Variants in ZNF687 observed in about 807,000 individuals in gnomAD.
ZNF687 encodes zinc finger protein 687.
Under a neutral mutation model 71.8 loss-of-function variants are expected in ZNF687, and 13 were observed. The ratio of observed to expected loss-of-function variants is 0.18; its 90% CI spans 0.12 to 0.29. The LOEUF is 0.29. ZNF687 is among the 10% of genes least tolerant of loss of function. The pLI, the probability that ZNF687 is intolerant of heterozygous loss-of-function variation, is 1.00. For missense variants in ZNF687, 1,412 were observed against 1,625.6 expected, an observed-to-expected ratio of 0.87 and a Z score of 2.26; for synonymous variants, 673 against 641.6, an observed-to-expected ratio of 1.05 and a Z score of -0.74.
At chr1:151,281,608 G>A (rs1557764152), upstream of ZNF687, 1 of 471,232 alleles carries the variant, frequency 2.1e-6, no homozygotes, top group Admixed American at 2.3e-5. Context: ...CGCAGAGGGA[G>A]GAGCGACGGG....
rs1291232134 is a variant in ZNF687, at chr1:151,287,466, A to G, written c.1175A>G (p.Asp392Gly). 1.2e-6 allele frequency: 2 copies of G among 1,613,988 alleles called. No individual in the cohort carries two copies. The highest frequency in any genetic ancestry group is 1.7e-6 in the Non-Finnish European group (2 of 1,180,032). Reference protein sequence around the residue: ...GPKVVSVQLGDGTRLKGTVLP... With the variant: ...GPKVVSVQLGGGTRLKGTVLP... ...AAGGTGGTGAGCGTACAGTTGGGTG[A>G]TGGTACAAGGCTGAAAGGCACTGTG... The change falls in exon 2 of 9, where the codon GAT (aspartate) becomes GGT (glycine). Residue 392 changes from aspartate to glycine, a missense_variant. Physicochemically the swap from Asp to Gly is moderately conservative, Grantham distance 94. Coordinates refer to ENST00000336715, the MANE Select transcript of ZNF687 (RefSeq NM_020832.3). The surrounding 1 kb of genome is among the most constrained non-coding windows in gnomAD (Gnocchi z 5.0).
Position 151,290,964 on chromosome 1 carries a change from A to C in ZNF687, c.3469A>C (p.Ser1157Arg), listed in dbSNP as rs587758087. 7.3e-5 allele frequency: 118 copies of C among 1,613,920 alleles called. 2 individuals are homozygous for C. In the South Asian group the frequency reaches 1.3e-3, roughly 17 times the overall value. ...CTCCCTGAGCCGACACCGTTTCATC[A>C]GCCACAAGAAGAGACGGGGTGTGGG... ...PGSLSRHRFI[S>R]HKKRRGVGKA... Residue 1157 changes from serine to arginine, a missense_variant, in exon 9 of 9, where the codon AGC becomes CGC. Around this residue, in one of 8 missense-constraint regions of ZNF687, gnomAD observed 284 missense variants for 359.2 expected, o/e 0.79. Transcript: ENST00000336715.
rs1403536256 is a variant in ZNF687, at chr1:151,291,215, A to G, written c.*6A>G. 3 of 1,605,694 alleles carry G rather than the reference A, an allele frequency of 1.9e-6. No individual in the cohort carries two copies. The highest frequency in any genetic ancestry group is 2.6e-6 in the Non-Finnish European group (3 of 1,175,436). Reference sequence around the variant, plus strand: ...GGGCTGTTGGGGACAACTAGTCTCCAAGGCCTGGGACTGACCAGCCCCTTC... The same window carrying G: ...GGGCTGTTGGGGACAACTAGTCTCCGAGGCCTGGGACTGACCAGCCCCTTC... On this transcript the variant is annotated 3_prime_UTR_variant, in exon 9 of 9. Coordinates refer to ENST00000336715, the MANE Select transcript of ZNF687 (RefSeq NM_020832.3).
upstream of ZNF687, chr1:151,281,989 T>G: frequency 8.2e-7 from 1 of 1,226,638 alleles, no homozygotes; most frequent in Admixed American, 3.0e-5. Context: ...GGAAGCAGGC[T>G]GGCTTCTTTC....
upstream of ZNF687, chr1:151,281,949 T>C: frequency 3.5e-6 from 4 of 1,136,676 alleles, no homozygotes; most frequent in Non-Finnish European, 4.6e-6. Context: ...GAGACGCACC[T>C]GGGTGCTCCC....
Position 151,287,291 on chromosome 1 carries a change from A to C in ZNF687, c.1000A>C (p.Thr334Pro). 1 of 1,614,112 alleles carries C rather than the reference A, an allele frequency of 6.2e-7. No homozygotes were observed. The highest frequency in any genetic ancestry group is 8.5e-7 in the Non-Finnish European group (1 of 1,180,006). The change falls in exon 2 of 9, where the codon ACC (threonine) becomes CCC (proline). Residue 334 changes from threonine (T) to proline (P), a missense_variant. Transcript: ENST00000336715. This position sits in a 1 kb window ranked among gnomAD's most constrained non-coding sequence, Gnocchi z 5.0. ...SSRPLKVRIK[T>P]IKTSCGNITR... ...TAGGCCTCTTAAGGTGCGGATCAAG[A>C]CCATTAAAACATCCTGCGGGAATAT...
At chr1:151,283,968 A>G in intron 1 of ZNF687, 1 of 985,392 alleles carries the variant, frequency 1.0e-6, no homozygotes, top group Non-Finnish European at 1.2e-6. Flanking sequence ...TAGATACAGA[A>G]ACACTCATGG....
chr1:151,284,348 C>A, intron 1 of ZNF687: 1 of 825,786 alleles, frequency 1.2e-6, no homozygotes, highest in Non-Finnish European at 1.5e-6. Context: ...GAGGGCCAGG[C>A]ACTCTGGGGA....
In ZNF687 at chr1:151,292,059, CTG is replaced by C. The variant is rs1694314687; in HGVS notation, c.*851_*852del. The C allele has an allele frequency of 6.6e-6, 1 of 152,186 alleles. No homozygotes were observed. The highest frequency in any genetic ancestry group is 1.5e-5 in the Non-Finnish European group (1 of 68,062). The allele number at this position is 152,186 out of a possible 1,614,324, so 9.4% of individuals were successfully genotyped here. ...TGTAGTGCCTTTTGTATCTTGGACA[CTG>C]AGGCATCCGTTCATACCTCATCACC... On this transcript the variant is annotated 3_prime_UTR_variant, in exon 9 of 9. Coordinates refer to ENST00000336715, the MANE Select transcript of ZNF687 (RefSeq NM_020832.3).
At chr1:151,289,331 G>GTT (rs1351296465) in intron 4 of ZNF687, 47 bp from the exon 5 acceptor site, 1 of 1,613,094 alleles carries the variant, frequency 6.2e-7, no homozygotes, top group South Asian at 1.1e-5. Flanking sequence ...CAGGAGGGGA[G>GTT]GGGCTGCACC....
At position 151,291,001 on chromosome 1, in the gene ZNF687, C is replaced by T. The variant is rs1341180989; in HGVS notation, c.3506C>T (p.Ala1169Val). ...AGACGGGGTGTGGGTAAAGCCAGTG[C>T]CCTGGGGCTGGGGGATGGGGAGGAA... ...KKRRGVGKASALGLGDGEEEA... is the reference protein window; with the variant it reads ...KKRRGVGKASVLGLGDGEEEA... Residue 1169 changes from alanine to valine, a missense_variant, in exon 9 of 9, where the codon GCC becomes GTC. Transcript: ENST00000336715. The T allele has an allele frequency of 3.7e-6, 6 of 1,613,920 alleles. No homozygotes were observed. The highest frequency in any genetic ancestry group is 2.2e-5 in the East Asian group (1 of 44,876).
chr1:151,283,285 T>C, intron 1 of ZNF687: 1 of 984,956 alleles, frequency 1.0e-6, no homozygotes, highest in Non-Finnish European at 1.2e-6. Flanking sequence ...CCCCTCGCCC[T>C]CCTCTGCGCT....
chr1:151,290,818 G>A lies in ZNF687; in HGVS notation c.3323G>A (p.Gly1108Asp). 6.2e-7 allele frequency: 1 copy of A among 1,613,928 alleles called. No individual in the cohort carries two copies. Among genetic ancestry groups the A allele is most frequent in the Non-Finnish European group, 8.5e-7 (1 of 1,180,026 alleles). ...KSPRGGPGSG[G>D]HGPLRYRSSS... is the part of the protein sequence containing the mutation. ...CCCAGGGGCGGACCTGGATCTGGAG[G>A]CCATGGCCCTCTGCGCTACCGGAGC... The change falls in exon 9 of 9, where the codon GGC (glycine) becomes GAC (aspartate). Residue 1108 changes from glycine to aspartate, a missense_variant. By Grantham distance (94) the Gly-to-Asp change is moderately conservative (BLOSUM62 -1). Coordinates refer to ENST00000336715, the MANE Select transcript of ZNF687 (RefSeq NM_020832.3).
chr1:151,285,144 A>G (rs1441977025), intron 1 of ZNF687: 1 of 152,132 alleles, frequency 6.6e-6, no homozygotes, highest in Non-Finnish European at 1.5e-5. Context: ...CGCCCCTGAT[A>G]AAGCTGAACG....
chr1:151,286,646 G>A lies in ZNF687; in HGVS notation c.355G>A (p.Gly119Arg), dbSNP rs756526294. ...TGGGGTAACTAAAGAAGGGCCTGTG[G>A]GGCCTCATCGAATGCAGAATGGTTT... The part of the protein sequence containing the change: ...AAGVTKEGPV[G>R]PHRMQNGFGS... The change falls in exon 2 of 9, where the codon GGG (glycine) becomes AGG (arginine). Residue 119 changes from glycine (G) to arginine (R), a missense_variant. Gly to Arg is a moderately radical substitution (Grantham distance 125). Coordinates refer to ENST00000336715, the MANE Select transcript of ZNF687 (RefSeq NM_020832.3). The A allele has an allele frequency of 6.2e-7, 1 of 1,614,204 alleles. No individual in the cohort carries two copies. Among genetic ancestry groups the A allele is most frequent in the Non-Finnish European group, 8.5e-7 (1 of 1,180,020 alleles).
intron 1 of ZNF687, chr1:151,283,235 C>G: frequency 1.0e-6 from 1 of 985,420 alleles, no homozygotes; most frequent in Non-Finnish European, 1.2e-6. Flanking sequence ...GACTTAATTC[C>G]GTCTGCTACC....
chr1:151,281,794 C>G (rs1235301285), upstream of ZNF687: 3 of 367,780 alleles, frequency 8.2e-6, no homozygotes, highest in Non-Finnish European at 1.7e-5. Flanking sequence ...CTTGAAACAG[C>G]GCAAAAGGAC....
Position 151,286,839 on chromosome 1 carries a change from C to G in ZNF687, c.548C>G (p.Ser183Cys). The G allele has an allele frequency of 1.2e-6, 2 of 1,614,080 alleles. No individual in the cohort carries two copies. Among genetic ancestry groups the G allele is most frequent in the African/African-American group, 1.3e-5 (1 of 75,072 alleles). The change falls in exon 2 of 9, where the codon TCT becomes TGT. Residue 183 changes from serine (S) to cysteine (C), a missense_variant. Transcript: ENST00000336715. The stretch of plus-strand genomic sequence containing the variant: ...GATCCGCTGCCTCCCTCTGCACCCT[C>G]TCCCACTCGGGAGGGGGCTCTGACC... ...HSDPLPPSAP[S>C]PTREGALTPP...
Position 151,290,104 on chromosome 1 carries a change from C to T in ZNF687, c.2965-18C>T, listed in dbSNP as rs768160118. 2 of 1,613,698 alleles carry T rather than the reference C, an allele frequency of 1.2e-6. No individual in the cohort carries two copies. Among genetic ancestry groups the T allele is most frequent in the Admixed American group, 3.3e-5 (2 of 60,032 alleles). The stretch of plus-strand genomic sequence containing the variant: ...GGGTCCTGGAGCCTGGCTCTGACAT[C>T]TACCCCTGCTCTCCTAGTCAGTGAA... On this transcript the variant is annotated intron_variant, in intron 6 of 8. Coordinates refer to ENST00000336715, the MANE Select transcript of ZNF687 (RefSeq NM_020832.3).
Sources: allele counts gnomAD v4.1 joint callset, GRCh38; gene constraint gnomAD v4.1.1; regional missense constraint gnomAD v4.1.1; non-coding constraint Gnocchi (gnomAD v3.1); transcripts MANE v1.5; gene names NCBI Gene and HGNC (gene_info 2026-07-23, HGNC 2026-07-21).